Variants in CHCHD6 observed in about 807,000 individuals in gnomAD.
CHCHD6 encodes MICOS complex subunit MIC25.
In CHCHD6, 28 loss-of-function variants were observed where a neutral mutation model predicts 32.3. That is an observed-to-expected ratio of 0.87 (90% CI 0.64 to 1.19). The LOEUF is 1.19. CHCHD6 is among the 50% of genes most tolerant of loss of function. The probability of loss-of-function intolerance (pLI) is 0.00; values close to 1 mark genes in which losing one functional copy is unlikely to be tolerated. For missense variants in CHCHD6, 333 were observed against 307.0 expected (o/e 1.08, Z -0.63); for synonymous variants, 122 against 117.5 (o/e 1.04, Z -0.25).
intron 5 of CHCHD6, among the ~76,000 whole-genome samples, chr3:126,895,988 C>G (rs2077832894): frequency 6.6e-6 from 1 of 152,202 alleles, no homozygotes; most frequent in African/African-American, 2.4e-5. Flanking sequence ...GAGAGATGTT[C>G]TAGCTCAGCA....
At chr3:126,844,530 C>CT (rs1326202696) in intron 4 of CHCHD6, among the ~76,000 whole-genome samples, 1 of 152,166 alleles carries the variant, frequency 6.6e-6, no homozygotes, top group African/African-American at 2.4e-5. Context: ...GCTACACCAG[C>CT]TTTTTTATAC....
At chr3:126,707,750 G>T (rs765850467) in intron 1 of CHCHD6, among the ~76,000 whole-genome samples, 3 of 152,232 alleles carry the variant, frequency 2.0e-5, no homozygotes, top group Non-Finnish European at 4.4e-5. Flanking sequence ...CTGGACCACG[G>T]TGGAGGGGAA....
At chr3:126,909,362 G>T (rs1218432679) in intron 5 of CHCHD6, among the ~76,000 whole-genome samples, 1 of 152,150 alleles carries the variant, frequency 6.6e-6, no homozygotes, top group African/African-American at 2.4e-5. Context: ...TTTGGGGCAG[G>T]GGCTGCCGGG....
intron 5 of CHCHD6, among the ~76,000 whole-genome samples, chr3:126,868,597 A>T (rs190289321): frequency 5.9e-5 from 9 of 152,322 alleles, no homozygotes; most frequent in Admixed American, 2.0e-4. Flanking sequence ...TGCTGTATGC[A>T]TGCCTAGACT....
intron 5 of CHCHD6, among the ~76,000 whole-genome samples, chr3:126,874,257 C>T (rs537831471): frequency 5.6e-4 from 85 of 152,320 alleles, no homozygotes; most frequent in Middle Eastern, 6.8e-3. Context: ...AGCTGTGTTC[C>T]TGCTCTCAGG....
chr3:126,860,360 A>T (rs1351566289), intron 5 of CHCHD6, among the ~76,000 whole-genome samples: 4 of 151,984 alleles, frequency 2.6e-5, no homozygotes, highest in Non-Finnish European at 5.9e-5. Flanking sequence ...TTTTCCAAAC[A>T]CCGCATGTTC....
At chr3:126,952,238 T>C (rs1299046241) in intron 6 of CHCHD6, among the ~76,000 whole-genome samples, 1 of 152,138 alleles carries the variant, frequency 6.6e-6, no homozygotes, top group Non-Finnish European at 1.5e-5. Context: ...TTGGGAGTGC[T>C]CTGTGGGCAT....
At chr3:126,831,439 T>C (rs1327157378) in intron 4 of CHCHD6, among the ~76,000 whole-genome samples, 1 of 152,210 alleles carries the variant, frequency 6.6e-6, no homozygotes, top group Non-Finnish European at 1.5e-5. Flanking sequence ...TTTTAAGTGC[T>C]GTATTGCAAT....
intron 4 of CHCHD6, among the ~76,000 whole-genome samples, chr3:126,741,430 CAT>C (rs1244380982): frequency 6.6e-6 from 1 of 151,642 alleles, no homozygotes. Flanking sequence ...AAGCTGAAGT[CAT>C]GTGGGGGTCC....
At chr3:126,780,042 A>G (rs961418034) in intron 4 of CHCHD6, among the ~76,000 whole-genome samples, 2 of 152,234 alleles carry the variant, frequency 1.3e-5, no homozygotes, top group African/African-American at 4.8e-5. Flanking sequence ...ATGAGCTTAT[A>G]TCACTAATAC....
In CHCHD6 at chr3:126,948,759, G is replaced by A. The variant is rs558976541; in HGVS notation, c.567-8657G>A. ...CTTAATCCAAAAGTGGAACATATAG[G>A]TTTGTGCTACAGGAAAGCTAAAAAT... On this transcript the variant is annotated intron_variant, in intron 6 of 7. Coordinates refer to ENST00000290913, the MANE Select transcript of CHCHD6 (RefSeq NM_032343.3). Among the ~76,000 whole-genome samples the A allele has an allele frequency of 2.0e-5, 3 of 152,322 alleles. No individual in the cohort carries two copies. The East Asian group carries it at 5.8e-4, about 29-fold the overall frequency.
At chr3:126,945,494 TGGGAGACTCAG>T (rs1423392126) in intron 6 of CHCHD6, among the ~76,000 whole-genome samples, 1 of 118,028 alleles carries the variant, frequency 8.5e-6, no homozygotes, top group East Asian at 2.6e-4. Flanking sequence ...AGACTCTAGG[TGGGAGACTCAG>T]GGGAGACTTG....
chr3:126,719,257 CTG>C (rs1487874509), intron 1 of CHCHD6, among the ~76,000 whole-genome samples: 1 of 152,248 alleles, frequency 6.6e-6, no homozygotes, highest in Non-Finnish European at 1.5e-5. Context: ...TTCTCAGAGA[CTG>C]TGCTTCTCCC....
intron 6 of CHCHD6, among the ~76,000 whole-genome samples, chr3:126,941,513 C>T (rs1210463192): frequency 1.3e-5 from 2 of 152,136 alleles, no homozygotes; most frequent in Non-Finnish European, 2.9e-5. Flanking sequence ...TCAAACTTTC[C>T]CAACCCCACT....
intron 1 of CHCHD6, among the ~76,000 whole-genome samples, chr3:126,707,261 T>TAAAA (rs74269416): frequency 7.4e-6 from 1 of 135,426 alleles, no homozygotes; most frequent in Non-Finnish European, 1.6e-5. Flanking sequence ...GACTCCGTCT[T>TAAAA]AAAAAAAAAA....
chr3:126,803,789 C>T (rs1939206781), intron 4 of CHCHD6, among the ~76,000 whole-genome samples: 1 of 152,140 alleles, frequency 6.6e-6, no homozygotes, highest in African/African-American at 2.4e-5. Flanking sequence ...CACACCTATT[C>T]CAAAATTGAC....
intron 4 of CHCHD6, among the ~76,000 whole-genome samples, chr3:126,836,474 C>T (rs1297599518): frequency 6.6e-6 from 1 of 152,212 alleles, no homozygotes; most frequent in African/African-American, 2.4e-5. Flanking sequence ...CTTCACAGCC[C>T]TTCATCACCA....
intron 1 of CHCHD6, among the ~76,000 whole-genome samples, chr3:126,718,722 T>A (rs1935139060): frequency 6.6e-6 from 1 of 152,188 alleles, no homozygotes; most frequent in Non-Finnish European, 1.5e-5. Context: ...ACACAGGACC[T>A]CCTGGCCAGC....
At chr3:126,826,875 T>G (rs1940417085) in intron 4 of CHCHD6, among the ~76,000 whole-genome samples, 1 of 152,018 alleles carries the variant, frequency 6.6e-6, no homozygotes, top group Non-Finnish European at 1.5e-5. Flanking sequence ...GTGACTACGG[T>G]GGTAGTGGAA....
Sources: allele counts gnomAD v4.1 joint callset (sites outside exome capture counted in the v4.1 genomes callset), GRCh38; gene constraint gnomAD v4.1.1; transcripts MANE v1.5; gene names NCBI Gene and HGNC (gene_info 2026-07-23, HGNC 2026-07-21).